The following DAPP1 variants were observed in gnomAD, a reference collection of about 807,000 sequenced individuals.
The protein encoded by DAPP1 is dual adapter for phosphotyrosine and 3-phosphotyrosine and 3-phosphoinositide.
DAPP1 carries 20 observed loss-of-function variants against 41.5 expected under a neutral mutation model. That is an observed-to-expected ratio of 0.48 (90% CI 0.34 to 0.70). The LOEUF is 0.70. Ranked by LOEUF, DAPP1 falls within the 30% of genes least tolerant of loss-of-function variation. The pLI, the probability that DAPP1 is intolerant of heterozygous loss-of-function variation, is 0.01. For missense variants in DAPP1, 233 were observed against 333.4 expected (o/e 0.70, Z 2.35); for synonymous variants, 113 against 116.2 (o/e 0.97, Z 0.18).
intron 3 of DAPP1, among the ~76,000 whole-genome samples, chr4:99,852,057 C>T (rs375512995): frequency 1.3e-5 from 2 of 152,192 alleles, no homozygotes; most frequent in African/African-American, 4.8e-5. Context: ...ATCCCTTTAC[C>T]ATGCCCTATT....
chr4:99,843,884 AT>A (rs1723577347), intron 3 of DAPP1, among the ~76,000 whole-genome samples: 1 of 152,198 alleles, frequency 6.6e-6, no homozygotes, highest in Admixed American at 6.5e-5. Flanking sequence ...TGGATGCCCC[AT>A]TTCCAATGCC....
intron 1 of DAPP1, among the ~76,000 whole-genome samples, chr4:99,833,523 A>G (rs1166999450): frequency 6.6e-6 from 1 of 152,184 alleles, no homozygotes; most frequent in Non-Finnish European, 1.5e-5. Flanking sequence ...TGCCACAGGG[A>G]TGTCTCAGTG....
intron 1 of DAPP1, among the ~76,000 whole-genome samples, chr4:99,833,536 T>C (rs922123992): frequency 1.3e-5 from 2 of 152,252 alleles, no homozygotes; most frequent in Non-Finnish European, 2.9e-5. Flanking sequence ...TCTCAGTGGA[T>C]ATCAGTGTGG....
At chr4:99,845,025 G>A (rs1044045058) in intron 3 of DAPP1, among the ~76,000 whole-genome samples, 5 of 152,178 alleles carry the variant, frequency 3.3e-5, no homozygotes, top group Non-Finnish European at 7.4e-5. Flanking sequence ...ATTCGAAAAA[G>A]GAAAAAGCAG....
intron 7 of DAPP1, chr4:99,865,386 A>G (rs960063542): frequency 2.0e-5 from 3 of 152,182 alleles, no homozygotes; most frequent in Non-Finnish European, 2.9e-5. Flanking sequence ...TACATTTAGG[A>G]AAAGTATTTT....
Position 99,859,955 on chromosome 4 carries a change from C to A in DAPP1, c.490-1623C>A, listed in dbSNP as rs140060541. Among the ~76,000 whole-genome samples the A allele has an allele frequency of 3.3e-3, 505 of 152,334 alleles. 4 individuals are homozygous for A. Among genetic ancestry groups the A allele is most frequent in the African/African-American group, 0.011 (477 of 41,582 alleles). On this transcript the variant is annotated intron_variant, in intron 4 of 8. Transcript: ENST00000512369. The stretch of plus-strand genomic sequence containing the variant: ...CTAAGGTGCTTGAAAGCCCTCCACA[C>A]ACACATCAATGCCTGCCTTGCTTCA...
chr4:99,824,075 T>C (rs941117439), intron 1 of DAPP1, among the ~76,000 whole-genome samples: 1 of 152,234 alleles, frequency 6.6e-6, no homozygotes, highest in East Asian at 1.9e-4. Flanking sequence ...TTCTGACTTA[T>C]ACAAGTTGAT....
intron 1 of DAPP1, among the ~76,000 whole-genome samples, chr4:99,832,306 A>C (rs947180494): frequency 1.3e-5 from 2 of 152,232 alleles, no homozygotes; most frequent in Non-Finnish European, 2.9e-5. Context: ...AATCATCCTT[A>C]TCAAAGGTGG....
At chr4:99,861,310 AAC>A (rs1724227744) in intron 4 of DAPP1, among the ~76,000 whole-genome samples, 1 of 152,210 alleles carries the variant, frequency 6.6e-6, no homozygotes, top group African/African-American at 2.4e-5. Context: ...CACCTTGACA[AAC>A]ACAGACTTTT....
At chr4:99,836,209 A>G (rs1051265902) in intron 2 of DAPP1, among the ~76,000 whole-genome samples, 1 of 152,202 alleles carries the variant, frequency 6.6e-6, no homozygotes, top group Non-Finnish European at 1.5e-5. Flanking sequence ...ATAGTGGGCT[A>G]GCTTTTCATA....
At chr4:99,822,218 G>T (rs962732288) in intron 1 of DAPP1, among the ~76,000 whole-genome samples, 13 of 152,180 alleles carry the variant, frequency 8.5e-5, no homozygotes, top group Admixed American at 2.0e-4. Context: ...CTGTCCCACA[G>T]ACTGTCCATG....
At chr4:99,860,751 T>G (rs1013231618) in intron 4 of DAPP1, among the ~76,000 whole-genome samples, 1 of 152,224 alleles carries the variant, frequency 6.6e-6, no homozygotes, top group Admixed American at 6.5e-5. Context: ...TGTTTCTTAC[T>G]AAGACATATG....
intron 4 of DAPP1, among the ~76,000 whole-genome samples, chr4:99,857,050 G>C (rs1724067745): frequency 6.6e-6 from 1 of 152,162 alleles, no homozygotes; most frequent in East Asian, 1.9e-4. Context: ...AAGACATTTG[G>C]AACCTTGACA....
At chr4:99,818,298 C>G (rs1488462157) in intron 1 of DAPP1, among the ~76,000 whole-genome samples, 3 of 152,174 alleles carry the variant, frequency 2.0e-5, no homozygotes, top group Non-Finnish European at 4.4e-5. Context: ...CTGTGAGCAT[C>G]CAGCACAGGT....
chr4:99,853,206 A>G lies in DAPP1; in HGVS notation c.359-12A>G. ...AACACTGTTCGATTATATATTTTTC[A>G]TCTTCATTCAGGCACTCTGATGGTT... On this transcript the variant is annotated splice_polypyrimidine_tract_variant and intron_variant, in intron 3 of 8. Transcript: ENST00000512369. The G allele has an allele frequency of 3.1e-6, 5 of 1,613,648 alleles. No homozygotes were observed. Among genetic ancestry groups the G allele is most frequent in the South Asian group, 2.2e-5 (2 of 91,052 alleles).
At position 99,868,814 on chromosome 4, in the gene DAPP1, T is replaced by A. The variant is rs953833828; in HGVS notation, c.*629T>A. ...TCCTTTGCTTCTAATGACAAAACTG[T>A]GAGAGCTAGATGTCCTATGGGCAAT... On this transcript the variant is annotated 3_prime_UTR_variant, in exon 9 of 9. Coordinates refer to ENST00000512369, the MANE Select transcript of DAPP1 (RefSeq NM_014395.3). 11 of 152,106 alleles carry A rather than the reference T, an allele frequency of 7.2e-5. No individual in the cohort carries two copies. The highest frequency in any genetic ancestry group is 2.7e-4 in the African/African-American group (11 of 41,426). 9.4% of individuals were successfully genotyped at this position (152,106 alleles called of 1,614,324 possible).
chr4:99,819,469 A>AT (rs1380565763), intron 1 of DAPP1, among the ~76,000 whole-genome samples: 3 of 152,174 alleles, frequency 2.0e-5, no homozygotes. Flanking sequence ...TCACTGATAC[A>AT]TTTTTTATAG....
At chr4:99,846,675 A>T (rs1358722294) in intron 3 of DAPP1, among the ~76,000 whole-genome samples, 1 of 152,240 alleles carries the variant, frequency 6.6e-6, no homozygotes, top group African/African-American at 2.4e-5. Flanking sequence ...TGTCCTCTTC[A>T]AACTTTAATC....
At chr4:99,855,864 G>A (rs936251585) in intron 4 of DAPP1, among the ~76,000 whole-genome samples, 1 of 152,116 alleles carries the variant, frequency 6.6e-6, no homozygotes, top group Admixed American at 6.5e-5. Flanking sequence ...TTTCTTTTTG[G>A]GGTGTAGTTC....
Sources: allele counts gnomAD v4.1 joint callset (sites outside exome capture counted in the v4.1 genomes callset), GRCh38; gene constraint gnomAD v4.1.1; transcripts MANE v1.5; gene names NCBI Gene and HGNC (gene_info 2026-07-23, HGNC 2026-07-21).